FIBCD1: variants seen among roughly 807,000 people sequenced by gnomAD.
FIBCD1 encodes fibrinogen C domain-containing protein 1.
In FIBCD1, 47 loss-of-function variants were observed where a neutral mutation model predicts 45.1. That is an observed-to-expected ratio of 1.04 (90% confidence interval 0.82 to 1.33). The LOEUF (loss-of-function observed/expected upper bound fraction) is 1.33. Among genes scored for constraint, FIBCD1 ranks in the 40% most tolerant of loss-of-function variants. The probability of loss-of-function intolerance (pLI) is 0.00; values close to 1 mark genes in which losing one functional copy is unlikely to be tolerated. For missense variants in FIBCD1, 653 were observed against 682.2 expected, an observed-to-expected ratio of 0.96 and a Z score of 0.48; for synonymous variants, 313 against 308.1, an observed-to-expected ratio of 1.02 and a Z score of -0.17.
intron 2 of FIBCD1, among the ~76,000 whole-genome samples, chr9:130,928,803 C>T (rs142650756): frequency 1.6e-4 from 25 of 152,218 alleles, no homozygotes; most frequent in African/African-American, 5.5e-4. Flanking sequence ...GACCTGGCCA[C>T]GGCACCCAGG....
At chr9:130,906,338 T>C (rs1831928564) in intron 5 of FIBCD1, among the ~76,000 whole-genome samples, 1 of 152,178 alleles carries the variant, frequency 6.6e-6, no homozygotes, top group African/African-American at 2.4e-5. Flanking sequence ...CGAGTGGTAT[T>C]CCATCCGCTT....
At chr9:130,914,833 C>T (rs1226908729) in intron 4 of FIBCD1, among the ~76,000 whole-genome samples, 1 of 152,242 alleles carries the variant, frequency 6.6e-6, no homozygotes, top group African/African-American at 2.4e-5. Context: ...GTTCCTGCCC[C>T]TGCGTCCCAG....
rs1832560850 is a variant in FIBCD1 at position 130,938,634 on chromosome 9, G to A, written c.-27C>T. 2 of 1,405,396 alleles carry A rather than the reference G, an allele frequency of 1.4e-6. No individual in the cohort carries two copies. Among genetic ancestry groups the A allele is most frequent in the Non-Finnish European group, 9.3e-7 (1 of 1,075,890 alleles). 87.1% of individuals were successfully genotyped at this position (1,405,396 alleles called of 1,614,324 possible). ...TTCCGGCAGGACTGGCGGGGGCGCC[G>A]GGCGAGGCGCGCCGCTGCGGAGCGC... On this transcript the variant is annotated 5_prime_UTR_variant, in exon 1 of 7. Coordinates refer to ENST00000372338, the MANE Select transcript of FIBCD1 (RefSeq NM_032843.5).
In FIBCD1 at chr9:130,904,112, T is replaced by A; in HGVS notation, c.1338A>T (p.Ser446=). ...EWSSWTGWQY[S]LKFSEMKIRP... is the part of the protein sequence containing the mutation. ...GGATCTTCATCTCAGAGAACTTGAG[T>A]GAGTACTGCCAGCCGGTCCAGGAGG... The change falls in exon 7 of 7, where the codon TCA becomes TCT. Residue 446 remains serine, a synonymous_variant. Transcript: ENST00000372338. 2 of 1,612,860 alleles carry A rather than the reference T, an allele frequency of 1.2e-6. No individual in the cohort carries two copies. The highest frequency in any genetic ancestry group is 1.1e-5 in the South Asian group (1 of 91,070).
chr9:130,930,044 C>A lies in FIBCD1; in HGVS notation c.75G>T (p.Arg25=). Reference sequence around the variant, plus strand: ...TGCACAGCACGTAGCCGCAGCTCGGCCGCTGCAGGCCCGCCCGGGACGCAC... The same window carrying A: ...TGCACAGCACGTAGCCGCAGCTCGGACGCTGCAGGCCCGCCCGGGACGCAC... ...LEDRPRDKPQ[R]PSCGYVLCTV... is the part of the protein sequence containing the mutation. The change falls in exon 2 of 7, where the codon CGG becomes CGT. Residue 25 remains arginine (R), a splice_region_variant and synonymous_variant. Transcript: ENST00000372338. 6.7e-7 allele frequency: 1 copy of A among 1,499,238 alleles called. No individual in the cohort carries two copies. Among genetic ancestry groups the A allele is most frequent in the Non-Finnish European group, 8.9e-7 (1 of 1,127,714 alleles). 92.9% of individuals were successfully genotyped at this position (1,499,238 alleles called of 1,614,324 possible).
At chr9:130,911,097 G>A (rs1224969639) in intron 5 of FIBCD1, among the ~76,000 whole-genome samples, 1 of 152,168 alleles carries the variant, frequency 6.6e-6, no homozygotes, top group Non-Finnish European at 1.5e-5. Flanking sequence ...GTTCCCTCCT[G>A]CGCTGTGGAA....
In FIBCD1 at chr9:130,911,802, C is replaced by T; in HGVS notation, c.936G>A (p.Glu312=). The T allele has an allele frequency of 2.5e-6, 4 of 1,600,996 alleles. No individual in the cohort carries two copies. The highest frequency in any genetic ancestry group is 2.3e-5 in the South Asian group (2 of 88,852). The stretch of plus-strand genomic sequence containing the variant: ...GGGTGGGGTGCTCACCTAGCCAGTG[C>T]TCCCCGGTGAGCCTGCCAAAGCCGT... ...YRDGFGRLTG[E]HWLGLKRIHA... is the part of the protein sequence containing the mutation. Residue 312 remains glutamate (E), a synonymous_variant, in exon 5 of 7, where the codon GAG becomes GAA. Transcript: ENST00000372338.
At chr9:130,915,780 C>T (rs1430889896) in intron 4 of FIBCD1, among the ~76,000 whole-genome samples, 1 of 152,202 alleles carries the variant, frequency 6.6e-6, no homozygotes, top group Non-Finnish European at 1.5e-5. Context: ...GGATTGCGGA[C>T]CTGCTCTTAA....
chr9:130,926,712 C>T lies in FIBCD1; in HGVS notation c.553-2316G>A, dbSNP rs1832368552. 6.6e-6 allele frequency among the ~76,000 whole-genome samples: 1 copy of T among 152,148 alleles called. No individual in the cohort carries two copies. Among genetic ancestry groups the T allele is most frequent in the Non-Finnish European group, 1.5e-5 (1 of 68,008 alleles). ...TGGCGGGCGCCTGTAGTCCCAGCTA[C>T]TCAGGAGGCTGAGGCAGGAGAATCG... On this transcript the variant is annotated intron_variant, in intron 2 of 6. Transcript: ENST00000372338. The surrounding 1 kb of genome is among the most constrained non-coding windows in gnomAD (Gnocchi z 4.1).
chr9:130,920,759 C>T (rs1271596767), intron 4 of FIBCD1, among the ~76,000 whole-genome samples: 1 of 152,148 alleles, frequency 6.6e-6, no homozygotes, highest in Non-Finnish European at 1.5e-5. Context: ...CTCCCTGCCC[C>T]TCACTCCTCC....
chr9:130,920,422 G>A (rs1299239606), intron 4 of FIBCD1, among the ~76,000 whole-genome samples: 2 of 152,100 alleles, frequency 1.3e-5, no homozygotes, highest in African/African-American at 2.4e-5. Context: ...TCTGCAGAGC[G>A]GCTCTATATG....
Position 130,922,624 on chromosome 9 carries a change from C to T in FIBCD1, c.849+1120G>A, listed in dbSNP as rs1324116253. Among the ~76,000 whole-genome samples the T allele has an allele frequency of 2.6e-5, 4 of 152,048 alleles. No homozygotes were observed. The highest frequency in any genetic ancestry group is 9.7e-5 in the African/African-American group (4 of 41,390). On this transcript the variant is annotated intron_variant, in intron 4 of 6. Transcript: ENST00000372338. The surrounding 1 kb of genome is among the most constrained non-coding windows in gnomAD (Gnocchi z 4.5). ...TGTGGACTGAACGGTCGAAACACCTCCTCCCCGTCCCTCTCCCCACTGCCC... is the reference window on the plus strand; with the variant it reads ...TGTGGACTGAACGGTCGAAACACCTTCTCCCCGTCCCTCTCCCCACTGCCC...
intron 6 of FIBCD1, among the ~76,000 whole-genome samples, chr9:130,904,662 G>T (rs967016316): frequency 2.6e-5 from 4 of 152,208 alleles, no homozygotes; most frequent in African/African-American, 7.2e-5. Context: ...GCCCAGGGGG[G>T]TCCAGCCACC....
At chr9:130,939,803 C>G (rs943137475), upstream of FIBCD1, among the ~76,000 whole-genome samples, 17 of 152,170 alleles carry the variant, frequency 1.1e-4, no homozygotes, top group South Asian at 2.1e-4. Context: ...ATTTAATCCG[C>G]CCGGAGCGGC....
At chr9:130,920,173 G>C (rs1832236660) in intron 4 of FIBCD1, among the ~76,000 whole-genome samples, 4 of 152,134 alleles carry the variant, frequency 2.6e-5, no homozygotes, top group Admixed American at 2.6e-4. Flanking sequence ...AGGGGCGCTG[G>C]GGGTGGGGGC....
intron 4 of FIBCD1, among the ~76,000 whole-genome samples, chr9:130,920,886 G>A (rs553054628): frequency 4.7e-4 from 72 of 152,310 alleles, no homozygotes; most frequent in African/African-American, 1.2e-3. Flanking sequence ...GAGCTGTCTC[G>A]TCGCTGCTGA....
At chr9:130,910,878 G>A (rs1170389631) in intron 5 of FIBCD1, among the ~76,000 whole-genome samples, 1 of 152,140 alleles carries the variant, frequency 6.6e-6, no homozygotes, top group Non-Finnish European at 1.5e-5. Flanking sequence ...CTCTGGTGGG[G>A]CCTTAGAGAA....
intron 4 of FIBCD1, among the ~76,000 whole-genome samples, chr9:130,918,325 A>C (rs941303538): frequency 6.6e-6 from 1 of 152,216 alleles, no homozygotes; most frequent in African/African-American, 2.4e-5. Context: ...ATGGAACATT[A>C]AGCAGAGCCT....
intron 4 of FIBCD1, among the ~76,000 whole-genome samples, chr9:130,912,122 G>A (rs1039049419): frequency 6.6e-6 from 1 of 152,062 alleles, no homozygotes; most frequent in Non-Finnish European, 1.5e-5. Context: ...ATGCCCACAG[G>A]CCCCCAAGAC....
Sources: allele counts gnomAD v4.1 joint callset (sites outside exome capture counted in the v4.1 genomes callset), GRCh38; gene constraint gnomAD v4.1.1; non-coding constraint Gnocchi (gnomAD v3.1); transcripts MANE v1.5; gene names NCBI Gene and HGNC (gene_info 2026-07-23, HGNC 2026-07-21).